The following DCC variants were observed in gnomAD, a reference collection of about 807,000 sequenced individuals.
DCC encodes netrin receptor DCC.
In DCC, 58 loss-of-function variants were observed where a neutral mutation model predicts 172.5. That is an observed-to-expected ratio of 0.34 (90% CI 0.27 to 0.42). The LOEUF (loss-of-function observed/expected upper bound fraction) is 0.42, where lower values mean the gene tolerates loss of function less well. Among genes scored for constraint, DCC ranks in the 10% least tolerant of loss-of-function variants. The pLI, the probability that DCC is intolerant of heterozygous loss-of-function variation, is 1.00. For missense variants in DCC, 1,740 were observed against 1,791.0 expected, an observed-to-expected ratio of 0.97 and a Z score of 0.51; for synonymous variants, 709 against 644.5, an observed-to-expected ratio of 1.10 and a Z score of -1.52.
chr18:52,445,067 C>G (rs1988080326), intron 1 of DCC, among the ~76,000 whole-genome samples: 1 of 151,928 alleles, frequency 6.6e-6, no homozygotes, highest in African/African-American at 2.4e-5. Flanking sequence ...AAGGTGGAAA[C>G]AAACACAGGA....
intron 1 of DCC, among the ~76,000 whole-genome samples, chr18:52,619,464 TG>T (rs1475825836): frequency 3.9e-5 from 6 of 152,214 alleles, no homozygotes; most frequent in African/African-American, 1.4e-4. Context: ...GGTTTGTTGT[TG>T]TTTGTCTCTT....
chr18:52,355,434 CTG>C (rs1984318829), intron 1 of DCC, among the ~76,000 whole-genome samples: 1 of 152,132 alleles, frequency 6.6e-6, no homozygotes. Context: ...CAAGATGTAG[CTG>C]TGTGACCCTC....
intron 1 of DCC, among the ~76,000 whole-genome samples, chr18:52,535,237 A>G (rs1422758476): frequency 6.6e-6 from 1 of 152,146 alleles, no homozygotes; most frequent in Non-Finnish European, 1.5e-5. Context: ...GTAATGCAAA[A>G]TCCACTTTCT....
rs1356809209 is a variant in DCC at position 53,452,939 on chromosome 18, G to A, written c.3392+2277G>A. Among the ~76,000 whole-genome samples, 4 of 148,780 alleles carry A rather than the reference G, an allele frequency of 2.7e-5. No homozygotes were observed. In the East Asian group the frequency reaches 5.8e-4, roughly 22 times the overall value. Reference sequence around the variant, plus strand: ...TGTTTGTTTGTTTGTTTTTTGAGATGGAGTCTCACTCTATTGCCCAGGCTG... The same window carrying A: ...TGTTTGTTTGTTTGTTTTTTGAGATAGAGTCTCACTCTATTGCCCAGGCTG... On this transcript the variant is annotated intron_variant, in intron 23 of 28. Coordinates refer to ENST00000442544, the MANE Select transcript of DCC (RefSeq NM_005215.4).
intron 1 of DCC, among the ~76,000 whole-genome samples, chr18:52,471,084 T>C (rs559829779): frequency 3.3e-5 from 5 of 152,134 alleles, no homozygotes; most frequent in Non-Finnish European, 4.4e-5. Flanking sequence ...GGCGTGGTGG[T>C]TCATACTTGT....
chr18:53,442,255 C>G (rs971165997), intron 22 of DCC, among the ~76,000 whole-genome samples: 1 of 152,216 alleles, frequency 6.6e-6, no homozygotes, highest in Non-Finnish European at 1.5e-5. Context: ...CTGCATTGTG[C>G]AAGACTATTG....
intron 12 of DCC, among the ~76,000 whole-genome samples, chr18:53,300,743 A>G (rs2057123638): frequency 6.6e-6 from 1 of 152,122 alleles, no homozygotes; most frequent in South Asian, 2.1e-4. Context: ...GAAAATAACA[A>G]AGTAAGTTAC....
chr18:52,423,551 GA>G lies in DCC; in HGVS notation c.91+82686del, dbSNP rs201656394. Among the ~76,000 whole-genome samples the G allele has an allele frequency of 4.8e-3, 673 of 140,250 alleles. 8 individuals carry two copies. Among genetic ancestry groups the G allele is most frequent in the Admixed American group, 0.022 (309 of 13,986 alleles). 92.0% of individuals were successfully genotyped at this position (140,250 alleles called of 152,430 possible). ...GATGAAGCCTGCTTTTCTCCTGTCA[GA>G]AAAAAAAAAAAAGTTTCCATTCTGT... On this transcript the variant is annotated intron_variant, in intron 1 of 28. Transcript: ENST00000442544.
At chr18:52,521,268 T>C (rs1467754324) in intron 1 of DCC, among the ~76,000 whole-genome samples, 1 of 152,174 alleles carries the variant, frequency 6.6e-6, no homozygotes, top group Non-Finnish European at 1.5e-5. Context: ...TATGTCAACC[T>C]CTGGGTCAAA....
chr18:52,857,399 A>G (rs2039072224), intron 2 of DCC, among the ~76,000 whole-genome samples: 1 of 152,184 alleles, frequency 6.6e-6, no homozygotes, highest in Non-Finnish European at 1.5e-5. Flanking sequence ...AACTAGGGAA[A>G]AAAAGTTTCA....
At chr18:52,454,177 AT>A (rs1158503248) in intron 1 of DCC, among the ~76,000 whole-genome samples, 1 of 152,104 alleles carries the variant, frequency 6.6e-6, no homozygotes, top group Non-Finnish European at 1.5e-5. Flanking sequence ...TTTTGCTATA[AT>A]TTTTTTACAT....
At chr18:53,288,919 G>T (rs1598986891) in intron 12 of DCC, among the ~76,000 whole-genome samples, 1 of 152,076 alleles carries the variant, frequency 6.6e-6, no homozygotes, top group Admixed American at 6.6e-5. Context: ...TTTTTAATTG[G>T]TTTATGTGCA....
intron 9 of DCC, among the ~76,000 whole-genome samples, chr18:53,180,713 G>T (rs1010937577): frequency 7.2e-5 from 11 of 152,002 alleles, no homozygotes; most frequent in African/African-American, 2.4e-4. Flanking sequence ...GCCCAGACTG[G>T]AGTGCAGTGG....
chr18:52,618,422 C>A (rs1242734369), intron 1 of DCC, among the ~76,000 whole-genome samples: 1 of 152,078 alleles, frequency 6.6e-6, no homozygotes, highest in Non-Finnish European at 1.5e-5. Context: ...TCGTATTTAA[C>A]CAAAAAATGT....
At chr18:52,694,101 T>C (rs1205143017) in intron 1 of DCC, among the ~76,000 whole-genome samples, 1 of 152,044 alleles carries the variant, frequency 6.6e-6, no homozygotes, top group Non-Finnish European at 1.5e-5. Context: ...CCCAGTATGA[T>C]ATGATGAGGA....
At chr18:52,786,043 A>C (rs1484977892) in intron 2 of DCC, among the ~76,000 whole-genome samples, 1 of 152,136 alleles carries the variant, frequency 6.6e-6, no homozygotes, top group Non-Finnish European at 1.5e-5. Flanking sequence ...TACTGTTTAT[A>C]GCCCTACTGC....
chr18:53,155,315 A>G (rs2054712717), intron 7 of DCC, among the ~76,000 whole-genome samples: 1 of 152,194 alleles, frequency 6.6e-6, no homozygotes, highest in Admixed American at 6.5e-5. Context: ...GATAAAGACT[A>G]GGGAAAATGG....
At chr18:52,898,211 G>T (rs1321748188) in intron 2 of DCC, among the ~76,000 whole-genome samples, 2 of 152,136 alleles carry the variant, frequency 1.3e-5, no homozygotes, top group East Asian at 1.9e-4. Context: ...TCCCCCAATT[G>T]ATAAGTCTCT....
intron 27 of DCC, 95 bp downstream of exon 27, chr18:53,499,605 T>TATC (rs940229510): frequency 9.9e-7 from 1 of 1,015,112 alleles, no homozygotes; most frequent in Admixed American, 1.8e-5. Context: ...AGATGTCATA[T>TATC]ATCTTTTCAA....
Sources: gnomAD v4.1 joint callset for allele counts (sites outside exome capture counted in the v4.1 genomes callset) on GRCh38, gnomAD v4.1.1 for gene constraint, MANE v1.5 for transcripts, NCBI Gene and HGNC (gene_info 2026-07-23, HGNC 2026-07-21) for gene names.